Variants in HDAC9 observed in about 807,000 individuals in gnomAD.
HDAC9 encodes MEF-2 interacting transcription repressor (MITR) protein.
A neutral mutation model predicts 139.4 loss-of-function variants in HDAC9; 41 were observed. That is an observed-to-expected ratio of 0.29 (90% CI 0.23 to 0.38). HDAC9 has a LOEUF of 0.38. Ranked by LOEUF, HDAC9 falls within the 10% of genes least tolerant of loss-of-function variation. HDAC9 has a pLI of 1.00. For missense variants in HDAC9, 1,147 were observed against 1,297.0 expected, an observed-to-expected ratio of 0.88 and a Z score of 1.78; for synonymous variants, 517 against 476.2, an observed-to-expected ratio of 1.09 and a Z score of -1.12.
At chr7:18,604,687 C>A (rs1316127313) in intron 6 of HDAC9, among the ~76,000 whole-genome samples, 1 of 152,196 alleles carries the variant, frequency 6.6e-6, no homozygotes, top group South Asian at 2.1e-4. Flanking sequence ...GCGTGAGCCA[C>A]CGCGCCCGGA....
At chr7:18,857,714 ACTTGGCAC>A (rs1392550922) in intron 21 of HDAC9, among the ~76,000 whole-genome samples, 1 of 152,134 alleles carries the variant, frequency 6.6e-6, no homozygotes, top group Non-Finnish European at 1.5e-5. Context: ...GAAATCTAGC[ACTTGGCAC>A]CTTGGCATTG....
chr7:18,614,452 C>A (rs1374051874), intron 6 of HDAC9, among the ~76,000 whole-genome samples: 3 of 152,126 alleles, frequency 2.0e-5, no homozygotes, highest in Admixed American at 6.6e-5. Context: ...TGTCTTTTCC[C>A]CCACCTACTT....
intron 1 of HDAC9, among the ~76,000 whole-genome samples, chr7:18,401,584 A>G (rs1369569848): frequency 6.6e-6 from 1 of 152,238 alleles, no homozygotes; most frequent in African/African-American, 2.4e-5. Context: ...ATGCCTCAGC[A>G]GAACTGGATA....
In HDAC9 at chr7:18,269,484, G is replaced by A. The variant is rs78317476; in HGVS notation, c.25+107135G>A. 6.7e-3 allele frequency among the ~76,000 whole-genome samples: 1,017 copies of A among 152,284 alleles called. 12 individuals are homozygous for A. The highest frequency in any genetic ancestry group is 0.023 in the African/African-American group (958 of 41,570). On this transcript the variant is annotated intron_variant, in intron 2 of 12. Coordinates refer to the HDAC9 transcript ENST00000417496. ...ACACTGAATTGGGCCTGAAGTGTAT[G>A]CACCAGAAAAGAAGACCTTCACCAC...
chr7:18,994,048 GACAGCCTACTC>G (rs1786247113), intron 25 of HDAC9, among the ~76,000 whole-genome samples: 1 of 152,182 alleles, frequency 6.6e-6, no homozygotes. Flanking sequence ...TTGCAGTGTA[GACAGCCTACTC>G]ACATCCTTTA....
intron 1 of HDAC9, among the ~76,000 whole-genome samples, chr7:18,295,768 T>A (rs909719963): frequency 2.2e-4 from 34 of 152,120 alleles, no homozygotes; most frequent in Non-Finnish European, 1.5e-4. Flanking sequence ...CCAGAGCACA[T>A]TTGGCAATGT....
chr7:18,887,339 G>A (rs968281759), intron 22 of HDAC9, among the ~76,000 whole-genome samples: 7 of 152,134 alleles, frequency 4.6e-5, no homozygotes, highest in African/African-American at 1.7e-4. Flanking sequence ...CCTGATCTAG[G>A]GACCAGGCTT....
chr7:18,454,653 A>G (rs574492765), intron 1 of HDAC9, among the ~76,000 whole-genome samples: 7 of 152,228 alleles, frequency 4.6e-5, no homozygotes, highest in African/African-American at 1.4e-4. Context: ...CACCATGTGA[A>G]GAACCTGTGA....
chr7:18,569,834 CTT>C (rs2128738754), intron 2 of HDAC9, among the ~76,000 whole-genome samples: 1 of 151,946 alleles, frequency 6.6e-6, no homozygotes, highest in South Asian at 2.1e-4. Context: ...CAGTAATTGT[CTT>C]TTATAATGCA....
intron 16 of HDAC9, among the ~76,000 whole-genome samples, chr7:18,786,148 C>T (rs1313966573): frequency 6.6e-6 from 1 of 152,096 alleles, no homozygotes; most frequent in East Asian, 1.9e-4. Context: ...TTCTGCTATT[C>T]ATGTTCCCTA....
intron 16 of HDAC9, among the ~76,000 whole-genome samples, chr7:18,791,475 C>T (rs1396436958): frequency 6.6e-6 from 1 of 152,078 alleles, no homozygotes; most frequent in Non-Finnish European, 1.5e-5. Context: ...TATAGCTACA[C>T]AAAGCTTAAA....
intron 12 of HDAC9, among the ~76,000 whole-genome samples, chr7:18,723,656 A>G (rs1178122): frequency 0.21 from 31,448 of 152,078 alleles, 3,752 homozygotes; most frequent in East Asian, 0.53. Context: ...TGAGTTAGCA[A>G]ACTGTTTTAT....
intron 12 of HDAC9, among the ~76,000 whole-genome samples, chr7:18,678,705 GTTTAC>G (rs1251542523): frequency 1.3e-5 from 2 of 151,704 alleles, no homozygotes; most frequent in African/African-American, 2.4e-5. Context: ...GTGTATTTTT[GTTTAC>G]TTTAAAGTCC....
chr7:18,161,587 A>C (rs1164606991), intron 1 of HDAC9, among the ~76,000 whole-genome samples: 1 of 152,206 alleles, frequency 6.6e-6, no homozygotes, highest in East Asian at 1.9e-4. Context: ...AAGTACATTA[A>C]AATTAAAAGC....
At chr7:18,311,472 TAATA>T (rs1208697256) in intron 1 of HDAC9, among the ~76,000 whole-genome samples, 2 of 152,118 alleles carry the variant, frequency 1.3e-5, no homozygotes, top group Non-Finnish European at 2.9e-5. Context: ...TTACTCACAT[TAATA>T]GTCACAGCCT....
rs76088494 is a variant in HDAC9, at chr7:18,561,539, T to C, written c.23-23742T>C. Among the ~76,000 whole-genome samples the C allele has an allele frequency of 2.6e-3, 394 of 152,294 alleles. 2 individuals are homozygous for C. Among genetic ancestry groups the C allele is most frequent in the African/African-American group, 8.9e-3 (371 of 41,566 alleles). On this transcript the variant is annotated intron_variant, in intron 2 of 25. Coordinates refer to ENST00000686413, the MANE Select transcript of HDAC9 (RefSeq NM_178425.4). ...GTGCAACCATCACCACAATCTAACA[T>C]AGAATACTTTTTACCCTTTAAAAGA... is the stretch of plus-strand genomic sequence containing the variant.
At chr7:18,241,087 G>A (rs1457546786) in intron 2 of HDAC9, among the ~76,000 whole-genome samples, 1 of 152,186 alleles carries the variant, frequency 6.6e-6, no homozygotes, top group Non-Finnish European at 1.5e-5. Flanking sequence ...AATTGAGATG[G>A]TCGTTCTTTC....
chr7:18,484,092 C>T (rs1472836868), intron 1 of HDAC9, among the ~76,000 whole-genome samples: 2 of 149,992 alleles, frequency 1.3e-5, no homozygotes, highest in East Asian at 2.0e-4. Context: ...ACTGTAAGCC[C>T]AGCACTTTGG....
rs563698456 is a variant in HDAC9, at chr7:18,363,680, C to A, written c.-42+73165C>A. ...GTTTCTAATTTGCCCCTCAGAAGTG[C>A]AGTGTTATAAGGATTAATTAGAGAA... is the stretch of plus-strand genomic sequence containing the variant. On this transcript the variant is annotated intron_variant, in intron 1 of 3. Transcript: ENST00000413509. Among the ~76,000 whole-genome samples the A allele has an allele frequency of 2.2e-4, 33 of 152,128 alleles. No homozygotes were observed. In the Middle Eastern group the frequency reaches 0.01, roughly 47 times the overall value.
Sources: allele counts gnomAD v4.1 joint callset (sites outside exome capture counted in the v4.1 genomes callset), GRCh38; gene constraint gnomAD v4.1.1; transcripts MANE v1.5; gene names NCBI Gene and HGNC (gene_info 2026-07-23, HGNC 2026-07-21).